Variants in ASXL1 observed in about 807,000 individuals in gnomAD.
ASXL1 encodes the protein ASXL transcriptional regulator 1.
In ASXL1, 65 loss-of-function variants were observed where a neutral mutation model predicts 89.1. The observed-to-expected ratio is 0.73, with a 90% confidence interval of 0.60 to 0.90. The LOEUF (loss-of-function observed/expected upper bound fraction) is 0.90. Among genes scored for constraint, ASXL1 ranks in the 40% least tolerant of loss-of-function variants. The pLI, the probability that ASXL1 is intolerant of heterozygous loss-of-function variation, is 0.00. For synonymous variants in ASXL1, 739 were observed against 746.9 expected (o/e 0.99, Z 0.17); for missense variants, 1,786 against 1,942.9 (o/e 0.92, Z 1.52).
intron 4 of ASXL1, among the ~76,000 whole-genome samples, chr20:32,373,376 T>C (rs1218367561): frequency 6.6e-6 from 1 of 151,652 alleles, no homozygotes; most frequent in Non-Finnish European, 1.5e-5. Context: ...AAGCTCCATC[T>C]CAAGAACAGT....
At chr20:32,428,504 T>C (rs1392204882) in intron 6 of ASXL1, 82 bp downstream of exon 6, 22 of 1,314,914 alleles carry the variant, frequency 1.7e-5, no homozygotes, top group Non-Finnish European at 2.4e-5. Flanking sequence ...TGTAGTGAGC[T>C]GTGAACATGT....
intron 4 of ASXL1, among the ~76,000 whole-genome samples, chr20:32,376,381 C>A (rs1446446820): frequency 6.6e-6 from 1 of 151,946 alleles, no homozygotes; most frequent in East Asian, 1.9e-4. Context: ...TTGAAGTGAT[C>A]CTCCTGCCTC....
At position 32,431,496 on chromosome 20, in the gene ASXL1, C is replaced by T. The variant is rs1412259924; in HGVS notation, c.882+12C>T. 2 of 1,614,110 alleles carry T rather than the reference C, an allele frequency of 1.2e-6. No individual in the cohort carries two copies. The highest frequency in any genetic ancestry group is 2.2e-5 in the South Asian group (2 of 91,078). ...AAGTAGACAGACAGGTGCACATGGG[C>T]AGCCTCCCCTTTGCCTCTCTCTGGG... On this transcript the variant is annotated intron_variant, in intron 9 of 12. Coordinates refer to ENST00000375687, the MANE Select transcript of ASXL1 (RefSeq NM_015338.6).
chr20:32,378,003 T>TGTGTGTGTGTGTGTGTGTG (rs56248414), intron 4 of ASXL1, among the ~76,000 whole-genome samples: 207 of 144,608 alleles, frequency 1.4e-3, no homozygotes, highest in Middle Eastern at 3.7e-3. Flanking sequence ...TGTGTGTGTG[T>TGTGTGTGTGTGTGTGTGTG]TTTGGAGACA....
At chr20:32,394,868 C>A (rs1000995306) in intron 4 of ASXL1, among the ~76,000 whole-genome samples, 30 of 152,126 alleles carry the variant, frequency 2.0e-4, no homozygotes, top group African/African-American at 7.2e-4. Context: ...TGCGCCCCAT[C>A]ATGCCTGGCT....
intron 4 of ASXL1, among the ~76,000 whole-genome samples, chr20:32,400,051 C>T (rs751518580): frequency 2.6e-5 from 4 of 151,662 alleles, no homozygotes; most frequent in Non-Finnish European, 5.9e-5. Flanking sequence ...TGTGAGCCAC[C>T]ATGCCCGGCC....
chr20:32,435,727 T>C lies in ASXL1; in HGVS notation c.3015T>C (p.Phe1005=). The C allele has an allele frequency of 1.9e-6, 3 of 1,614,096 alleles. No individual in the cohort carries two copies. The highest frequency in any genetic ancestry group is 2.5e-6 in the Non-Finnish European group (3 of 1,180,010). ...AGTCCACGGATACAGCCTCTGACTT[T>C]GAAGGTCACCTCACGGAGGACAGCA... ...HGESTDTASD[F]EGHLTEDSSE... is the part of the protein sequence containing the mutation. Residue 1005 remains phenylalanine (F), a synonymous_variant, in exon 13 of 13, where the codon TTT becomes TTC. Transcript: ENST00000375687.
chr20:32,396,876 C>T (rs1426972804), intron 4 of ASXL1, among the ~76,000 whole-genome samples: 1 of 151,990 alleles, frequency 6.6e-6, no homozygotes, highest in African/African-American at 2.4e-5. Context: ...TTTGAAATAA[C>T]TCTGAACAGT....
chr20:32,409,234 A>C (rs769162867), intron 4 of ASXL1, among the ~76,000 whole-genome samples: 1 of 152,148 alleles, frequency 6.6e-6, no homozygotes, highest in Non-Finnish European at 1.5e-5. Context: ...TGGCCTTCCA[A>C]AGTGCTGGGA....
chr20:32,433,063 T>G (rs1389193308), intron 11 of ASXL1, 78 bp downstream of exon 11: 3 of 1,585,934 alleles, frequency 1.9e-6, no homozygotes, highest in Non-Finnish European at 2.6e-6. Context: ...TAGCATATAC[T>G]TATGTGTTGG....
chr20:32,396,543 C>T (rs576217524), intron 4 of ASXL1, among the ~76,000 whole-genome samples: 7 of 152,170 alleles, frequency 4.6e-5, no homozygotes, highest in Non-Finnish European at 8.8e-5. Flanking sequence ...TCCTTATATT[C>T]GTAACATTCT....
At chr20:32,425,009 T>G (rs1362867344) in intron 4 of ASXL1, among the ~76,000 whole-genome samples, 1 of 152,192 alleles carries the variant, frequency 6.6e-6, no homozygotes, top group East Asian at 1.9e-4. Flanking sequence ...GTCTTGACTT[T>G]ATGAAAGTTA....
chr20:32,409,094 C>T (rs951861501), intron 4 of ASXL1, among the ~76,000 whole-genome samples: 1 of 152,122 alleles, frequency 6.6e-6, no homozygotes, highest in African/African-American at 2.4e-5. Flanking sequence ...CTGCCTCAGC[C>T]TCCCTAGTAG....
chr20:32,362,149 ACACTG>A (rs2048124139), intron 1 of ASXL1, among the ~76,000 whole-genome samples: 2 of 152,348 alleles, frequency 1.3e-5, no homozygotes, highest in Middle Eastern at 3.4e-3. Flanking sequence ...GTGAGAGCGT[ACACTG>A]GACTGAGAGA....
At chr20:32,391,594 A>G (rs2048672205) in intron 4 of ASXL1, among the ~76,000 whole-genome samples, 1 of 152,134 alleles carries the variant, frequency 6.6e-6, no homozygotes, top group Non-Finnish European at 1.5e-5. Flanking sequence ...GGCTCAAGCG[A>G]TCCTCTCACC....
At chr20:32,388,133 C>T (rs921844021) in intron 4 of ASXL1, among the ~76,000 whole-genome samples, 2 of 152,082 alleles carry the variant, frequency 1.3e-5, no homozygotes, top group Non-Finnish European at 2.9e-5. Flanking sequence ...CTCCTTCCTT[C>T]CATTCTTGCC....
intron 4 of ASXL1, among the ~76,000 whole-genome samples, chr20:32,398,417 A>AT (rs1262794691): frequency 3.3e-5 from 5 of 150,568 alleles, no homozygotes; most frequent in South Asian, 4.2e-4. Context: ...GTTCCAAAAC[A>AT]TTTTTTTTTC....
In ASXL1 at chr20:32,387,502, G is replaced by A. The variant is rs992648804; in HGVS notation, c.252+18379G>A. Among the ~76,000 whole-genome samples, 7 of 152,160 alleles carry A rather than the reference G, an allele frequency of 4.6e-5. 1 individual carries two copies. The highest frequency in any genetic ancestry group is 1.7e-4 in the African/African-American group (7 of 41,432). On this transcript the variant is annotated intron_variant, in intron 4 of 12. Transcript: ENST00000375687. ...TTCACTTGTCTCTTACAGAAGTGGG[G>A]AAGTGGTTTTTACTTCGATGCATGG... is the stretch of plus-strand genomic sequence containing the variant.
rs749236045 is a variant in ASXL1, at chr20:32,434,509, C to T, written c.1797C>T (p.Pro599=). Residue 599 remains proline (P), a synonymous_variant, in exon 13 of 13, where the codon CCC becomes CCT. Transcript: ENST00000375687. ...ACCAGATATGCCCCCGGATCATCCCCACCACGGAGTCCTCCTGCCGGGGTT... is the reference window on the plus strand; with the variant it reads ...ACCAGATATGCCCCCGGATCATCCCTACCACGGAGTCCTCCTGCCGGGGTT... ...PTYQICPRII[P]TTESSCRGWT... 1 of 1,614,074 alleles carries T rather than the reference C, an allele frequency of 6.2e-7. No individual in the cohort carries two copies. Among genetic ancestry groups the T allele is most frequent in the Non-Finnish European group, 8.5e-7 (1 of 1,180,038 alleles).
Sources: allele counts gnomAD v4.1 joint callset (sites outside exome capture counted in the v4.1 genomes callset), GRCh38; gene constraint gnomAD v4.1.1; transcripts MANE v1.5; gene names NCBI Gene and HGNC (gene_info 2026-07-23, HGNC 2026-07-21).